KCNAB1: variants seen among roughly 807,000 people sequenced by gnomAD.
KCNAB1 encodes potassium voltage-gated channel subfamily A regulatory beta subunit 1.
KCNAB1 carries 35 observed loss-of-function variants against 64.6 expected under a neutral mutation model. The ratio of observed to expected loss-of-function variants is 0.54; its 90% CI spans 0.41 to 0.72. The LOEUF (loss-of-function observed/expected upper bound fraction) is 0.72, where lower values mean the gene tolerates loss of function less well. Among genes scored for constraint, KCNAB1 ranks in the 30% least tolerant of loss-of-function variants. KCNAB1 has a pLI of 0.00. For missense variants in KCNAB1, 401 were observed against 512.9 expected (o/e 0.78, Z 2.11); for synonymous variants, 177 against 183.8 (o/e 0.96, Z 0.30).
At chr3:156,232,621 T>A (rs1477398141) in intron 1 of KCNAB1, among the ~76,000 whole-genome samples, 1 of 152,266 alleles carries the variant, frequency 6.6e-6, no homozygotes, top group East Asian at 1.9e-4. Flanking sequence ...ACTCTTCCTA[T>A]CTTTGTGGAT....
chr3:156,502,394 A>G (rs548428131), intron 8 of KCNAB1, among the ~76,000 whole-genome samples: 3 of 152,148 alleles, frequency 2.0e-5, no homozygotes, highest in Non-Finnish European at 4.4e-5. Flanking sequence ...TAGCATTTAT[A>G]AAACATTGAT....
chr3:156,345,722 A>T (rs979690204), intron 1 of KCNAB1, among the ~76,000 whole-genome samples: 9 of 152,218 alleles, frequency 5.9e-5, no homozygotes, highest in Non-Finnish European at 1.0e-4. Flanking sequence ...GCAATTCAGA[A>T]CTGATTCAGA....
chr3:156,284,958 C>T (rs1448350247), intron 1 of KCNAB1, among the ~76,000 whole-genome samples: 1 of 152,238 alleles, frequency 6.6e-6, no homozygotes, highest in African/African-American at 2.4e-5. Flanking sequence ...TAGACCAGAG[C>T]TGTTCCTATT....
intron 1 of KCNAB1, among the ~76,000 whole-genome samples, chr3:156,122,622 G>T (rs1414226178): frequency 6.6e-6 from 1 of 152,130 alleles, no homozygotes; most frequent in Non-Finnish European, 1.5e-5. Flanking sequence ...TAATCTGTGG[G>T]GTAGTGTTAT....
chr3:156,140,682 A>G (rs1714655711), intron 1 of KCNAB1, among the ~76,000 whole-genome samples: 1 of 152,232 alleles, frequency 6.6e-6, no homozygotes, highest in African/African-American at 2.4e-5. Flanking sequence ...TAGAAAAAGC[A>G]ACTTAATTCC....
chr3:156,487,714 T>C (rs1013348723), intron 8 of KCNAB1, among the ~76,000 whole-genome samples: 1 of 152,128 alleles, frequency 6.6e-6, no homozygotes, highest in African/African-American at 2.4e-5. Context: ...ACCAATATTC[T>C]TCTGTATTAA....
chr3:156,509,873 A>C (rs1450514189), intron 8 of KCNAB1, among the ~76,000 whole-genome samples: 1 of 152,146 alleles, frequency 6.6e-6, no homozygotes, highest in Admixed American at 6.5e-5. Flanking sequence ...AAGACAGTTG[A>C]TTTTTCCTTT....
chr3:156,373,984 C>T (rs898385528), intron 1 of KCNAB1, among the ~76,000 whole-genome samples: 2 of 152,160 alleles, frequency 1.3e-5, no homozygotes, highest in African/African-American at 2.4e-5. Context: ...TTAAGAGGAG[C>T]CAAATGGCCA....
rs1712044936 is a variant in KCNAB1 at position 156,452,008 on chromosome 3, T to C, written c.320-891T>C. On this transcript the variant is annotated intron_variant, in intron 2 of 13. Transcript: ENST00000490337. The surrounding 1 kb of genome is among the most constrained non-coding windows in gnomAD (Gnocchi z 4.6). ...AATGGTCTTATAAACCGTGAGCTCC[T>C]GCGAGACAGGAACTGGGCCAATCAT... 6.6e-6 allele frequency among the ~76,000 whole-genome samples: 1 copy of C among 152,190 alleles called. No individual in the cohort carries two copies. The highest frequency in any genetic ancestry group is 2.1e-4 in the South Asian group (1 of 4,830).
At chr3:156,343,434 T>C (rs1462502547) in intron 1 of KCNAB1, among the ~76,000 whole-genome samples, 1 of 152,218 alleles carries the variant, frequency 6.6e-6, no homozygotes, top group African/African-American at 2.4e-5. Context: ...GAGTTTGTGA[T>C]GGTTCCATGA....
At chr3:156,279,830 T>C (rs1719584643) in intron 1 of KCNAB1, among the ~76,000 whole-genome samples, 2 of 151,196 alleles carry the variant, frequency 1.3e-5, no homozygotes, top group African/African-American at 2.4e-5. Flanking sequence ...TTTTTTCTTG[T>C]AAATTTGTTT....
intron 1 of KCNAB1, among the ~76,000 whole-genome samples, chr3:156,181,586 G>T (rs963009419): frequency 6.6e-6 from 1 of 152,144 alleles, no homozygotes; most frequent in African/African-American, 2.4e-5. Context: ...GTCCAGTCAC[G>T]AGGAGATGAG....
chr3:156,486,489 A>C (rs999462262), intron 8 of KCNAB1, among the ~76,000 whole-genome samples: 4 of 152,138 alleles, frequency 2.6e-5, no homozygotes, highest in African/African-American at 9.7e-5. Context: ...AAGGCCATTC[A>C]GATGGTTTAA....
At chr3:156,497,911 A>C (rs1297010506) in intron 8 of KCNAB1, among the ~76,000 whole-genome samples, 1 of 152,186 alleles carries the variant, frequency 6.6e-6, no homozygotes, top group African/African-American at 2.4e-5. Context: ...ATTATGAAAA[A>C]ACTGTGCATG....
At chr3:156,174,455 G>A (rs1345305070) in intron 1 of KCNAB1, among the ~76,000 whole-genome samples, 1 of 152,172 alleles carries the variant, frequency 6.6e-6, no homozygotes, top group East Asian at 1.9e-4. Context: ...AGAAGGGTAG[G>A]TAGTTAGCAG....
intron 1 of KCNAB1, among the ~76,000 whole-genome samples, chr3:156,400,768 CCTT>C (rs1039172880): frequency 7.9e-5 from 12 of 152,164 alleles, no homozygotes; most frequent in African/African-American, 2.9e-4. Flanking sequence ...CTAGTGAACA[CCTT>C]CTCTCCACTC....
chr3:156,528,570 G>A (rs943210878), intron 12 of KCNAB1, among the ~76,000 whole-genome samples: 2 of 152,186 alleles, frequency 1.3e-5, no homozygotes, highest in Admixed American at 6.5e-5. Context: ...TTGGAATTCA[G>A]GGAAGTACTT....
chr3:156,413,656 T>C (rs1021278468), intron 1 of KCNAB1, among the ~76,000 whole-genome samples: 11 of 152,200 alleles, frequency 7.2e-5, no homozygotes, highest in Non-Finnish European at 1.3e-4. Context: ...CCGTGTCTTC[T>C]GGCAAACCAC....
intron 1 of KCNAB1, among the ~76,000 whole-genome samples, chr3:156,184,333 C>A (rs1380657960): frequency 2.0e-5 from 3 of 152,212 alleles, no homozygotes; most frequent in African/African-American, 7.2e-5. Flanking sequence ...TTTGTAGCAT[C>A]TCCAGGCTCC....
Sources: gnomAD v4.1 joint callset for allele counts (sites outside exome capture counted in the v4.1 genomes callset) on GRCh38, gnomAD v4.1.1 for gene constraint, Gnocchi (gnomAD v3.1) non-coding constraint, MANE v1.5 for transcripts, NCBI Gene and HGNC (gene_info 2026-07-23, HGNC 2026-07-21) for gene names.